The following PLPP4 variants were observed in gnomAD, a reference collection of about 807,000 sequenced individuals.
PLPP4 encodes diacylglycerol pyrophosphate like 2.
Under a neutral mutation model 32.2 loss-of-function variants are expected in PLPP4, and 20 were observed. The observed-to-expected ratio is 0.62, with a 90% CI of 0.44 to 0.90. The LOEUF is 0.90. Ranked by LOEUF, PLPP4 falls within the 40% of genes least tolerant of loss-of-function variation. The pLI is 0.00. For synonymous variants in PLPP4, 127 were observed against 133.0 expected, an observed-to-expected ratio of 0.95 and a Z score of 0.31; for missense variants, 257 against 353.1, an observed-to-expected ratio of 0.73 and a Z score of 2.18.
chr10:120,481,084 A>G (rs1455848734), intron 1 of PLPP4, among the ~76,000 whole-genome samples: 1 of 152,206 alleles, frequency 6.6e-6, no homozygotes, highest in Admixed American at 6.5e-5. Flanking sequence ...GCTATGACAC[A>G]GTGACTGGCA....
chr10:120,523,122 C>T (rs1195563678), intron 5 of PLPP4, among the ~76,000 whole-genome samples: 2 of 152,074 alleles, frequency 1.3e-5, no homozygotes, highest in Non-Finnish European at 2.9e-5. Flanking sequence ...ATGGTGAAAC[C>T]CCACCTCTAC....
chr10:120,502,885 C>T (rs993016163), intron 1 of PLPP4, among the ~76,000 whole-genome samples: 5 of 152,136 alleles, frequency 3.3e-5, no homozygotes, highest in Non-Finnish European at 5.9e-5. Flanking sequence ...CCTCCTCTCC[C>T]GCTCCCCTGC....
In PLPP4 at chr10:120,507,349, CATCATCATCATT is replaced by C. The variant is rs1170004592; in HGVS notation, c.165+3435_165+3446del. 9.9e-3 allele frequency among the ~76,000 whole-genome samples: 907 copies of C among 91,326 alleles called. 7 individuals are homozygous for C. The highest frequency in any genetic ancestry group is 0.024 in the African/African-American group (610 of 25,040). The allele number at this position is 91,326 out of a possible 152,430, so 59.9% of individuals were successfully genotyped here. A position where few individuals can be genotyped will look rare whatever the true frequency, so the allele number is the denominator to read the frequency against. Reference sequence around the variant, plus strand: ...GTAAACTTCTAGGGAAGTTCTTCATCATCATCATCATTATCATCATCATCATCATCATCATCA... The same window carrying C: ...GTAAACTTCTAGGGAAGTTCTTCATCATCATCATCATCATCATCATCATCA... On this transcript the variant is annotated intron_variant, in intron 2 of 6. Transcript: ENST00000398250.
intron 1 of PLPP4, among the ~76,000 whole-genome samples, chr10:120,500,195 T>G (rs1441058422): frequency 6.6e-6 from 1 of 152,050 alleles, no homozygotes; most frequent in Non-Finnish European, 1.5e-5. Flanking sequence ...GCACCAGTCT[T>G]TAGAAAAATT....
chr10:120,466,713 T>C (rs1848334961), intron 1 of PLPP4, among the ~76,000 whole-genome samples: 1 of 152,052 alleles, frequency 6.6e-6, no homozygotes, highest in Admixed American at 6.6e-5. Flanking sequence ...ACCCTGACTT[T>C]GCTGATTTTA....
chr10:120,537,992 T>TTCTCTCTC (rs1158226991), intron 5 of PLPP4, among the ~76,000 whole-genome samples: 1 of 19,076 alleles, frequency 5.2e-5, no homozygotes, highest in African/African-American at 2.8e-4. Flanking sequence ...ACCAGGCCCT[T>TTCTCTCTC]TCTCTCTCTC....
rs776729478 is a variant in PLPP4, at chr10:120,575,287, A to G, written c.602A>G (p.Lys201Arg). 1 of 1,613,870 alleles carries G rather than the reference A, an allele frequency of 6.2e-7. No individual in the cohort carries two copies. The highest frequency in any genetic ancestry group is 8.5e-7 in the Non-Finnish European group (1 of 1,179,848). Reference sequence around the variant, plus strand: ...GCCCTGTCCCGCATGTGCGACTACAAGCATCACTGGCAAGGTGAGTCCCTG... The same window carrying G: ...GCCCTGTCCCGCATGTGCGACTACAGGCATCACTGGCAAGGTGAGTCCCTG... ...MIALSRMCDYKHHWQDSFVGG... is the reference protein window; with the variant it reads ...MIALSRMCDYRHHWQDSFVGG... Residue 201 changes from lysine to arginine, a missense_variant, in exon 6 of 7, where the codon AAG becomes AGG. Lys to Arg is a conservative substitution (Grantham distance 26). Coordinates refer to ENST00000398250, the MANE Select transcript of PLPP4 (RefSeq NM_001030059.3).
intron 5 of PLPP4, among the ~76,000 whole-genome samples, chr10:120,546,665 C>T (rs1406557273): frequency 6.6e-6 from 1 of 152,192 alleles, no homozygotes; most frequent in Non-Finnish European, 1.5e-5. Flanking sequence ...CCTCCTGGCT[C>T]TTCCCTATAG....
At chr10:120,481,924 C>G (rs1211703880) in intron 1 of PLPP4, among the ~76,000 whole-genome samples, 1 of 152,156 alleles carries the variant, frequency 6.6e-6, no homozygotes, top group Non-Finnish European at 1.5e-5. Context: ...TCTGATGGTT[C>G]TATAAGGGGG....
At chr10:120,583,557 A>G (rs1849615175) in intron 6 of PLPP4, among the ~76,000 whole-genome samples, 2 of 152,204 alleles carry the variant, frequency 1.3e-5, no homozygotes, top group South Asian at 2.1e-4. Flanking sequence ...GAACATTTTC[A>G]TCACCCCAAA....
chr10:120,572,943 T>C (rs191408126), intron 5 of PLPP4, among the ~76,000 whole-genome samples: 8 of 152,332 alleles, frequency 5.3e-5, no homozygotes, highest in Non-Finnish European at 1.0e-4. Context: ...CACATATTTT[T>C]ACTTTAAGCA....
intron 1 of PLPP4, among the ~76,000 whole-genome samples, chr10:120,480,555 C>T (rs181353525): frequency 3.9e-4 from 59 of 152,274 alleles, no homozygotes; most frequent in African/African-American, 1.4e-3. Flanking sequence ...CAAGGTAAAT[C>T]CTAACAGGAT....
chr10:120,572,001 T>A (rs1042685517), intron 5 of PLPP4, among the ~76,000 whole-genome samples: 19 of 152,200 alleles, frequency 1.2e-4, no homozygotes, highest in African/African-American at 4.6e-4. Flanking sequence ...TTAAAAAAAA[T>A]ATTCAAAGGC....
intron 1 of PLPP4, among the ~76,000 whole-genome samples, chr10:120,502,615 C>G (rs1845308797): frequency 6.6e-6 from 1 of 152,188 alleles, no homozygotes; most frequent in Non-Finnish European, 1.5e-5. Flanking sequence ...CTCCTGCCCT[C>G]ACACCCTCAC....
intron 5 of PLPP4, among the ~76,000 whole-genome samples, chr10:120,534,508 C>T (rs1169610873): frequency 6.6e-6 from 1 of 151,974 alleles, no homozygotes; most frequent in Non-Finnish European, 1.5e-5. Flanking sequence ...TGTTTTCAGC[C>T]ATTATTTCTT....
At chr10:120,538,052 CTGTGTGTG>C (rs972974599) in intron 5 of PLPP4, among the ~76,000 whole-genome samples, 8 of 18,992 alleles carry the variant, frequency 4.2e-4, no homozygotes, top group Admixed American at 2.3e-3. Context: ...CTCTCTCTCT[CTGTGTGTG>C]TGTGTGTGTG....
chr10:120,487,689 G>C (rs374424611), intron 1 of PLPP4, among the ~76,000 whole-genome samples: 2 of 152,066 alleles, frequency 1.3e-5, no homozygotes, highest in African/African-American at 4.8e-5. Flanking sequence ...GAAACTTTTG[G>C]CTTCTCCATT....
chr10:120,555,669 G>C (rs1370320305), intron 5 of PLPP4, among the ~76,000 whole-genome samples: 1 of 152,186 alleles, frequency 6.6e-6, no homozygotes. Flanking sequence ...CGTAGTGCCT[G>C]CCTGTTTGAA....
chr10:120,503,676 A>G, intron 1 of PLPP4, 142 bp from the exon 2 acceptor site: 1 of 1,591,762 alleles, frequency 6.3e-7, no homozygotes, highest in Non-Finnish European at 8.6e-7. Flanking sequence ...CCAGCTGAGA[A>G]CTGACAGCAG....
Sources: gnomAD v4.1 joint callset for allele counts (sites outside exome capture counted in the v4.1 genomes callset) on GRCh38, gnomAD v4.1.1 for gene constraint, MANE v1.5 for transcripts, NCBI Gene and HGNC (gene_info 2026-07-23, HGNC 2026-07-21) for gene names.